Variants in SRCIN1 observed in about 807,000 individuals in gnomAD.
The protein encoded by SRCIN1 is P130Cas-associated protein.
Under a neutral mutation model 116.2 loss-of-function variants are expected in SRCIN1, and 50 were observed. That is an observed-to-expected ratio of 0.43 (90% CI 0.34 to 0.54). SRCIN1 has a LOEUF of 0.54. Among genes scored for constraint, SRCIN1 ranks in the 20% least tolerant of loss-of-function variants. The probability of loss-of-function intolerance (pLI) is 0.02; values close to 1 mark genes in which losing one functional copy is unlikely to be tolerated. For synonymous variants in SRCIN1, 736 were observed against 750.0 expected (o/e 0.98, Z 0.30); for missense variants, 1,446 against 1,672.0 (o/e 0.86, Z 2.36).
At chr17:38,575,654 TA>T (rs1205317353) in intron 2 of SRCIN1, among the ~76,000 whole-genome samples, 1 of 152,090 alleles carries the variant, frequency 6.6e-6, no homozygotes, top group Non-Finnish European at 1.5e-5. Flanking sequence ...GTGTCACACC[TA>T]CCTCACAGAA....
rs1352684805 is a variant in SRCIN1 at position 38,558,463 on chromosome 17, G to T, written c.2026-61C>A. On this transcript the variant is annotated intron_variant, in intron 10 of 18. Coordinates refer to ENST00000617146, the MANE Select transcript of SRCIN1 (RefSeq NM_025248.3). This position sits in a 1 kb window ranked among gnomAD's most constrained non-coding sequence, Gnocchi z 4.6. ...GGAGCGGAGCCGCGAGGCAGGGGAA[G>T]GGCCGGGAGAAGGCGGGTAGAGGAC... The T allele has an allele frequency of 2.6e-6, 4 of 1,525,796 alleles. No individual in the cohort carries two copies. In the East Asian group the frequency reaches 9.8e-5, roughly 37 times the overall value. The allele number at this position is 1,525,796 out of a possible 1,614,324, so 94.5% of individuals were successfully genotyped here.
chr17:38,539,309 C>T (rs183883509), intron 18 of SRCIN1, among the ~76,000 whole-genome samples: 202 of 152,284 alleles, frequency 1.3e-3, no homozygotes, highest in Non-Finnish European at 2.4e-3. Flanking sequence ...AGGCTGGTCT[C>T]GAACTCCTGG....
chr17:38,594,379 G>A (rs911993311), intron 1 of SRCIN1, among the ~76,000 whole-genome samples: 3 of 152,192 alleles, frequency 2.0e-5, no homozygotes, highest in South Asian at 2.1e-4. Context: ...CCATCAAGGC[G>A]GCGGCAGCCA....
At chr17:38,570,079 G>C (rs922286704) in intron 2 of SRCIN1, among the ~76,000 whole-genome samples, 30 of 152,094 alleles carry the variant, frequency 2.0e-4, no homozygotes, top group Non-Finnish European at 3.1e-4. Flanking sequence ...ACAGGCTCAC[G>C]CACAGCTGAG....
At chr17:38,569,888 G>GAGGGAGTGGACACGTGGGGGC in intron 2 of SRCIN1, among the ~76,000 whole-genome samples, 1 of 152,142 alleles carries the variant, frequency 6.6e-6, no homozygotes, top group African/African-American at 2.4e-5. Context: ...AGGGGTAGCA[G>GAGGGAGTGGACACGTGGGGGC]AGGGAGTGGA....
At chr17:38,600,500 C>G (rs1016713033) in intron 1 of SRCIN1, among the ~76,000 whole-genome samples, 1 of 152,230 alleles carries the variant, frequency 6.6e-6, no homozygotes, top group African/African-American at 2.4e-5. Context: ...CTGACCATCT[C>G]TGAGGCCCAG....
rs1447008527 is a variant in SRCIN1, at chr17:38,558,394, G to A, written c.2034C>T (p.Asn678=). Residue 678 remains asparagine (N), a synonymous_variant, in exon 11 of 19, where the codon AAC becomes AAT. Transcript: ENST00000617146. The surrounding 1 kb of genome is among the most constrained non-coding windows in gnomAD (Gnocchi z 4.6). ...LQQLRKLQLQ[N]QESVRALLKR... is the part of the protein sequence containing the mutation. ...TCAGCAGCGCGCGCACCGACTCCTGGTTCTGTAGCTGCGGGACGCACGGAC... is the reference window on the plus strand; with the variant it reads ...TCAGCAGCGCGCGCACCGACTCCTGATTCTGTAGCTGCGGGACGCACGGAC... 1 of 1,600,334 alleles carries A rather than the reference G, an allele frequency of 6.2e-7. No homozygotes were observed. Among genetic ancestry groups the A allele is most frequent in the African/African-American group, 1.3e-5 (1 of 74,648 alleles).
rs1038521613 is a variant in SRCIN1, at chr17:38,530,824, A to G, written c.*2473T>C. 12 of 152,458 alleles carry G rather than the reference A, an allele frequency of 7.9e-5. No homozygotes were observed. The highest frequency in any genetic ancestry group is 2.9e-4 in the African/African-American group (12 of 41,588). The allele number at this position is 152,458 out of a possible 1,614,324, so 9.4% of individuals were successfully genotyped here. ...GCAGGTAGGCACGTGCCAATGCCCA[A>G]ACAGGTTACATGCACCTATGTGCCC... On this transcript the variant is annotated 3_prime_UTR_variant, in exon 19 of 19. Transcript: ENST00000617146.
In SRCIN1 at chr17:38,547,843, C is replaced by A. The variant is rs2408354; in HGVS notation, c.3270+714G>T. On this transcript the variant is annotated intron_variant, in intron 17 of 18. Coordinates refer to ENST00000617146, the MANE Select transcript of SRCIN1 (RefSeq NM_025248.3). ...AGGTGGGGATCAGCTGGCGGCGGGG[C>A]GTGGGGGGGAGGGAAGACACTGAGC... The A allele has an allele frequency of 3.9e-3, 345 of 87,772 alleles. 2 individuals carry two copies. Among genetic ancestry groups the A allele is most frequent in the African/African-American group, 0.016 (338 of 20,754 alleles). The allele number at this position is 87,772 out of a possible 1,614,324, so 5.4% of individuals were successfully genotyped here.
Position 38,552,024 on chromosome 17 carries a change from T to C in SRCIN1, c.2589A>G (p.Pro863=), listed in dbSNP as rs1367347859. The C allele has an allele frequency of 6.2e-6, 10 of 1,613,306 alleles. No individual in the cohort carries two copies. Among genetic ancestry groups the C allele is most frequent in the Non-Finnish European group, 7.6e-6 (9 of 1,179,784 alleles). The change falls in exon 14 of 19, where the codon CCA becomes CCG. Residue 863 remains proline, a synonymous_variant. Transcript: ENST00000617146. The surrounding 1 kb of genome is among the most constrained non-coding windows in gnomAD (Gnocchi z 5.3). ...GCAGGTTCAGCGGGGGGCTGGGGGG[T>C]GGCATTTCGAAGTCCACGCTCTTGT... The part of the protein sequence containing the change: ...DFNKSVDFEM[P]PPSPPLNLHE...
At chr17:38,545,299 T>A (rs576827439) in intron 17 of SRCIN1, 1 of 151,884 alleles carries the variant, frequency 6.6e-6, no homozygotes, top group East Asian at 2.0e-4. Flanking sequence ...CTGTGGGCCA[T>A]CCCAGCCCCT....
intron 18 of SRCIN1, among the ~76,000 whole-genome samples, chr17:38,539,987 C>T (rs1337756631): frequency 2.8e-5 from 4 of 141,730 alleles, no homozygotes; most frequent in Non-Finnish European, 6.0e-5. Flanking sequence ...CGCCACTGGA[C>T]TCCAACCTGA....
At chr17:38,606,795 GGACCCAGACCCA>G (rs1221693469), upstream of SRCIN1, among the ~76,000 whole-genome samples, 4 of 151,778 alleles carry the variant, frequency 2.6e-5, no homozygotes, top group South Asian at 2.1e-4. This position sits in a 1 kb window ranked among gnomAD's most constrained non-coding sequence, Gnocchi z 5.2. Flanking sequence ...GCGCTGACCC[GGACCCAGACCCA>G]GACCCAGGCC....
chr17:38,530,489 C>G lies in SRCIN1; in HGVS notation c.*2808G>C, dbSNP rs1300623636. On this transcript the variant is annotated 3_prime_UTR_variant, in exon 19 of 19. Transcript: ENST00000617146. ...CACACTGATGGACAGAGCAGCGAGG[C>G]GCATGCAGCTGGGGGCACTGATGTG... is the stretch of plus-strand genomic sequence containing the variant. 1.3e-5 allele frequency: 2 copies of G among 152,420 alleles called. No individual in the cohort carries two copies. Among genetic ancestry groups the G allele is most frequent in the Non-Finnish European group, 2.9e-5 (2 of 68,254 alleles). The allele number at this position is 152,420 out of a possible 1,614,324, so 9.4% of individuals were successfully genotyped here. A position where few individuals can be genotyped will look rare whatever the true frequency, so the allele number is the denominator to read the frequency against.
At chr17:38,567,082 TC>T (rs1042463767) in intron 3 of SRCIN1, among the ~76,000 whole-genome samples, 23 of 152,138 alleles carry the variant, frequency 1.5e-4, no homozygotes, top group Non-Finnish European at 1.5e-5. Context: ...TCAGCCTCCC[TC>T]CTTGGCCAAC....
Position 38,558,512 on chromosome 17 carries a change from G to A in SRCIN1, c.2026-110C>T, listed in dbSNP as rs560162381. The A allele has an allele frequency of 7.7e-5, 101 of 1,311,578 alleles. No homozygotes were observed. Among genetic ancestry groups the A allele is most frequent in the Non-Finnish European group, 9.8e-5 (96 of 979,490 alleles). The allele number at this position is 1,311,578 out of a possible 1,614,324, so 81.2% of individuals were successfully genotyped here. On this transcript the variant is annotated intron_variant, in intron 10 of 18. Coordinates refer to ENST00000617146, the MANE Select transcript of SRCIN1 (RefSeq NM_025248.3). The surrounding 1 kb of genome is among the most constrained non-coding windows in gnomAD (Gnocchi z 4.6). Reference sequence around the variant, plus strand: ...ACTGCCCAATCCAGGGCGGGGCTCTGCAGAAGAAGCGGCTGCTTGGCTCCG... The same window carrying A: ...ACTGCCCAATCCAGGGCGGGGCTCTACAGAAGAAGCGGCTGCTTGGCTCCG...
intron 1 of SRCIN1, among the ~76,000 whole-genome samples, chr17:38,599,507 TACGGGTGCTCACAGACC>T (rs1908904420): frequency 6.6e-6 from 1 of 152,196 alleles, no homozygotes; most frequent in East Asian, 1.9e-4. Flanking sequence ...AACACTAGTC[TACGGGTGCTCACAGACC>T]ACCGTCATTG....
intron 2 of SRCIN1, among the ~76,000 whole-genome samples, chr17:38,574,242 C>G (rs1375738270): frequency 2.0e-5 from 3 of 152,186 alleles, no homozygotes; most frequent in African/African-American, 7.2e-5. Context: ...ATAGCAATGT[C>G]CAGGCCTAGC....
In SRCIN1 at chr17:38,549,678, C is replaced by T. The variant is rs572484294; in HGVS notation, c.2963-468G>A. On this transcript the variant is annotated intron_variant, in intron 15 of 18. Coordinates refer to ENST00000617146, the MANE Select transcript of SRCIN1 (RefSeq NM_025248.3). ...CCCCTCCCACTGGGCTCTCCTCTCC[C>T]CCAATTTGTCCTCCAGCCCTGCTTC... Among the ~76,000 whole-genome samples the T allele has an allele frequency of 1.2e-4, 18 of 152,328 alleles. No homozygotes were observed. In the South Asian group the frequency reaches 3.7e-3, roughly 32 times the overall value.
Sources: gnomAD v4.1 joint callset for allele counts (sites outside exome capture counted in the v4.1 genomes callset) on GRCh38, gnomAD v4.1.1 for gene constraint, Gnocchi (gnomAD v3.1) non-coding constraint, MANE v1.5 for transcripts, NCBI Gene and HGNC (gene_info 2026-07-23, HGNC 2026-07-21) for gene names.